ZSCAN23: variants seen among roughly 807,000 people sequenced by gnomAD.
ZSCAN23 encodes zinc finger and SCAN domain containing 23.
Under a neutral mutation model 19.3 loss-of-function variants are expected in ZSCAN23, and 19 were observed. That is an observed-to-expected ratio of 0.99 (90% CI 0.69 to 1.45). The LOEUF (loss-of-function observed/expected upper bound fraction) is 1.45, where lower values mean the gene tolerates loss of function less well. Among genes scored for constraint, ZSCAN23 ranks in the 40% most tolerant of loss-of-function variants. ZSCAN23 has a pLI of 0.00. For synonymous variants in ZSCAN23, 140 were observed against 166.2 expected (o/e 0.84, Z 1.21); for missense variants, 372 against 462.5 (o/e 0.80, Z 1.79).
At chr6:28,440,120 T>C (rs765883382) in intron 1 of ZSCAN23, among the ~76,000 whole-genome samples, 2 of 152,230 alleles carry the variant, frequency 1.3e-5, no homozygotes, top group Non-Finnish European at 2.9e-5. Context: ...GGAGAAAGAC[T>C]GTTCCATGCA....
At chr6:28,435,342 C>G in intron 3 of ZSCAN23, 118 bp downstream of exon 3, 1 of 1,348,160 alleles carries the variant, frequency 7.4e-7, no homozygotes, top group South Asian at 1.5e-5. Flanking sequence ...CCTTGTTTAT[C>G]ACTGTATCCC....
downstream of ZSCAN23, among the ~76,000 whole-genome samples, chr6:28,429,168 A>G (rs1395727231): frequency 6.6e-6 from 1 of 152,096 alleles, no homozygotes; most frequent in Non-Finnish European, 1.5e-5. Flanking sequence ...TTAACGTTCC[A>G]CCTCCAAAGT....
chr6:28,430,602 T>C (rs73740616), downstream of ZSCAN23, among the ~76,000 whole-genome samples: 1,648 of 152,262 alleles, frequency 0.011, 35 homozygotes, highest in African/African-American at 0.036. Context: ...GATCCCTGAC[T>C]ACATACCCCT....
the ZSCAN23 span, among the ~76,000 whole-genome samples, chr6:28,423,077 T>G: frequency 1.3e-5 from 2 of 152,200 alleles, no homozygotes; most frequent in Non-Finnish European, 2.9e-5. Context: ...TGGGCACAAT[T>G]AGATGGAGTT....
chr6:28,426,183 G>T, the ZSCAN23 span, among the ~76,000 whole-genome samples: 2 of 152,304 alleles, frequency 1.3e-5, no homozygotes, highest in East Asian at 3.9e-4. Context: ...CTTCCTTCAA[G>T]AACTTTTCCT....
downstream of ZSCAN23, among the ~76,000 whole-genome samples, chr6:28,430,697 G>A (rs1761745960): frequency 1.3e-5 from 2 of 151,990 alleles, no homozygotes; most frequent in Admixed American, 6.5e-5. Context: ...TGAGTCAATT[G>A]CTGAATAGCT....
At chr6:28,436,367 A>G (rs577753118) in intron 1 of ZSCAN23, 24 bp from the exon 2 acceptor site, 2 of 1,259,402 alleles carry the variant, frequency 1.6e-6, no homozygotes, top group African/African-American at 3.0e-5. Context: ...TACGAAGAAA[A>G]AAATATAAAA....
chr6:28,434,978 A>G lies in ZSCAN23; in HGVS notation c.657T>C (p.Asn219=). 6.4e-7 allele frequency: 1 copy of G among 1,551,778 alleles called. No individual in the cohort carries two copies. The change falls in exon 4 of 4, where the codon AAT becomes AAC. Residue 219 remains asparagine (N), a synonymous_variant. Transcript: ENST00000289788. The part of the protein sequence containing the change: ...LIQVLGKQNG[N]ITQIPEYGDT... ...CTCCATACTCAGGAATCTGAGTAATATTACCATTCTGTTTTCCAAGAACTT... is the reference window on the plus strand; with the variant it reads ...CTCCATACTCAGGAATCTGAGTAATGTTACCATTCTGTTTTCCAAGAACTT...
intron 3 of ZSCAN23, 24 bp from the exon 4 acceptor site, chr6:28,435,102 A>G (rs1261726638): frequency 7.4e-6 from 11 of 1,495,696 alleles, no homozygotes; most frequent in East Asian, 4.9e-5. Context: ...AACATGAAAG[A>G]TAACATGAAG....
At chr6:28,439,994 GGA>G (rs1561980600) in intron 1 of ZSCAN23, among the ~76,000 whole-genome samples, 1 of 152,110 alleles carries the variant, frequency 6.6e-6, no homozygotes, top group Non-Finnish European at 1.5e-5. Flanking sequence ...ATAAAGGTAA[GGA>G]GAGAGAGAGT....
chr6:28,427,109 T>A (rs956205835), downstream of ZSCAN23, among the ~76,000 whole-genome samples: 5 of 152,156 alleles, frequency 3.3e-5, no homozygotes, highest in Non-Finnish European at 7.3e-5. Flanking sequence ...TATTTTTAAT[T>A]TTAGAATAGT....
rs1761834966 is a variant in ZSCAN23, at chr6:28,434,666, G to T, written c.969C>A (p.His323Gln). The change falls in exon 4 of 4, where the codon CAC (histidine) becomes CAA (glutamine). Residue 323 changes from histidine to glutamine, a missense_variant. Coordinates refer to ENST00000289788, the MANE Select transcript of ZSCAN23 (RefSeq NM_001012455.2). ...GCTTCTCCCCAGTGTGAATTCTGAG[G>T]TGATGGAAAAGCCCGGCATTCTGGC... ...AFSQNAGLFHHLRIHTGEKPY... is the reference protein window; with the variant it reads ...AFSQNAGLFHQLRIHTGEKPY... 6.4e-7 allele frequency: 1 copy of T among 1,571,370 alleles called. No homozygotes were observed. Among genetic ancestry groups the T allele is most frequent in the Middle Eastern group, 1.7e-4 (1 of 6,022 alleles).
downstream of ZSCAN23, among the ~76,000 whole-genome samples, chr6:28,428,389 A>C (rs1761696230): frequency 6.6e-6 from 1 of 152,206 alleles, no homozygotes; most frequent in Non-Finnish European, 1.5e-5. Context: ...AATTTAATCC[A>C]AAAACCTGCC....
chr6:28,432,218 CAG>C (rs962328397), downstream of ZSCAN23, among the ~76,000 whole-genome samples: 2 of 152,038 alleles, frequency 1.3e-5, no homozygotes, highest in African/African-American at 2.4e-5. Context: ...TTTATAAACT[CAG>C]AATACTATAG....
Position 28,434,802 on chromosome 6 carries a change from T to G in ZSCAN23, c.833A>C (p.Glu278Ala). ...QRTHTGEKPYECDECGRAFSQ... is the reference protein window; with the variant it reads ...QRTHTGEKPYACDECGRAFSQ... ...GAAGGCCCGCCCACACTCATCACATTCATAAGGCTTCTCACCTGTGTGTGT... is the reference window on the plus strand; with the variant it reads ...GAAGGCCCGCCCACACTCATCACATGCATAAGGCTTCTCACCTGTGTGTGT... The change falls in exon 4 of 4, where the codon GAA becomes GCA. Residue 278 changes from glutamate to alanine, a missense_variant. Transcript: ENST00000289788. 6.3e-7 allele frequency: 1 copy of G among 1,599,284 alleles called. No individual in the cohort carries two copies. The highest frequency in any genetic ancestry group is 8.5e-7 in the Non-Finnish European group (1 of 1,172,628).
Position 28,435,619 on chromosome 6 carries a change from C to G in ZSCAN23, c.409-12G>C. 2 of 1,549,294 alleles carry G rather than the reference C, an allele frequency of 1.3e-6. No individual in the cohort carries two copies. Among genetic ancestry groups the G allele is most frequent in the Non-Finnish European group, 1.7e-6 (2 of 1,146,176 alleles). Reference sequence around the variant, plus strand: ...GCATGGCTCAGGACCTGGTGGAAATCAAGGACAGTTGGGAACCCAATATCA... The same window carrying G: ...GCATGGCTCAGGACCTGGTGGAAATGAAGGACAGTTGGGAACCCAATATCA... On this transcript the variant is annotated splice_polypyrimidine_tract_variant and intron_variant, in intron 2 of 3. Transcript: ENST00000289788.
At chr6:28,429,582 C>T (rs1761718062), downstream of ZSCAN23, among the ~76,000 whole-genome samples, 2 of 152,090 alleles carry the variant, frequency 1.3e-5, no homozygotes, top group Non-Finnish European at 2.9e-5. Flanking sequence ...TGATGGATTC[C>T]GGTGAGGCCT....
intron 3 of ZSCAN23, 78 bp from the exon 4 acceptor site, chr6:28,435,156 A>T (rs1761852365): frequency 7.0e-7 from 1 of 1,438,728 alleles, no homozygotes; most frequent in South Asian, 1.5e-5. Flanking sequence ...AAAGAAAAAA[A>T]GTGGCCAGGA....
chr6:28,429,050 C>G (rs1761706178), downstream of ZSCAN23, among the ~76,000 whole-genome samples: 1 of 152,154 alleles, frequency 6.6e-6, no homozygotes. Context: ...TTTCTGATCC[C>G]TCCTTCACAT....
Sources: allele counts gnomAD v4.1 joint callset (sites outside exome capture counted in the v4.1 genomes callset), GRCh38; gene constraint gnomAD v4.1.1; transcripts MANE v1.5; gene names NCBI Gene and HGNC (gene_info 2026-07-23, HGNC 2026-07-21).